The following BCL11A variants were observed in gnomAD, a reference collection of about 807,000 sequenced individuals.
The protein encoded by BCL11A is B cell CLL/lymphoma 11A.
A neutral mutation model predicts 55.9 loss-of-function variants in BCL11A; 2 were observed. The observed-to-expected ratio is 0.04, with a 90% confidence interval of 0.01 to 0.11. The LOEUF (loss-of-function observed/expected upper bound fraction) is 0.11, where lower values mean the gene tolerates loss of function less well. BCL11A is among the 10% of genes least tolerant of loss of function. The pLI is 1.00. For missense variants in BCL11A, 817 were observed against 1,137.1 expected, an observed-to-expected ratio of 0.72 and a Z score of 4.05; for synonymous variants, 465 against 473.4, an observed-to-expected ratio of 0.98 and a Z score of 0.23.
intron 3 of BCL11A, among the ~76,000 whole-genome samples, chr2:60,467,717 G>C (rs1676867298): frequency 2.0e-5 from 2 of 100,008 alleles, no homozygotes; most frequent in Non-Finnish European, 4.4e-5. Context: ...GGTGGTGATG[G>C]TACTGGTGGT....
intron 2 of BCL11A, among the ~76,000 whole-genome samples, chr2:60,496,310 A>G (rs932003805): frequency 5.3e-5 from 8 of 152,244 alleles, no homozygotes; most frequent in Admixed American, 3.3e-4. Flanking sequence ...GGAGTGGACC[A>G]TCCCAGTGGT....
intron 3 of BCL11A, among the ~76,000 whole-genome samples, chr2:60,465,534 C>A (rs773235035): frequency 1.2e-4 from 19 of 152,124 alleles, no homozygotes; most frequent in Non-Finnish European, 2.1e-4. Context: ...GAAGGAATGA[C>A]CCCCATTTCT....
chr2:60,494,575 G>A (rs1573005103), intron 2 of BCL11A, among the ~76,000 whole-genome samples: 1 of 152,106 alleles, frequency 6.6e-6, no homozygotes, highest in Non-Finnish European at 1.5e-5. Context: ...AATACAGACT[G>A]GTTCTGTGAT....
rs1272847786 is a variant in BCL11A at position 60,462,370 on chromosome 2, C to T, written c.542G>A (p.Ser181Asn). ...TCTTCKQPFT[S>N]AWFLLQHAQN... ...TGCGTGTTGCAAGAGAAACCATGCA[C>T]TGGTGAATGGCTGTTTGCAAGTTGT... The change falls in exon 4 of 4, where the codon AGT becomes AAT. Residue 181 changes from serine to asparagine, a missense_variant. Ser to Asn is a conservative substitution (Grantham distance 46). Around this residue, in one of 4 missense-constraint regions of BCL11A, gnomAD observed 363 missense variants for 486.6 expected, o/e 0.75. Coordinates refer to ENST00000642384, the MANE Select transcript of BCL11A (RefSeq NM_022893.4). 5 of 1,613,406 alleles carry T rather than the reference C, an allele frequency of 3.1e-6. No homozygotes were observed. Among genetic ancestry groups the T allele is most frequent in the Non-Finnish European group, 4.2e-6 (5 of 1,179,646 alleles).
At chr2:60,549,217 T>A (rs1325171402) in intron 1 of BCL11A, among the ~76,000 whole-genome samples, 1 of 152,190 alleles carries the variant, frequency 6.6e-6, no homozygotes, top group African/African-American at 2.4e-5. Flanking sequence ...AGTGACAGAC[T>A]GAGATCTCTT....
intron 1 of BCL11A, among the ~76,000 whole-genome samples, chr2:60,548,299 A>C (rs1253978838): frequency 6.6e-6 from 1 of 152,028 alleles, no homozygotes; most frequent in East Asian, 1.9e-4. Context: ...CTTTGCAAAA[A>C]AAAAAATTTT....
chr2:60,455,644 T>A (rs1264126122), downstream of BCL11A, among the ~76,000 whole-genome samples: 1 of 152,244 alleles, frequency 6.6e-6, no homozygotes, highest in Non-Finnish European at 1.5e-5. Context: ...GTATCCACCA[T>A]TAATTCTGTC....
chr2:60,553,151 TG>T, intron 1 of BCL11A, 64 bp downstream of exon 1: 1 of 1,518,972 alleles, frequency 6.6e-7, no homozygotes, highest in South Asian at 1.2e-5. Flanking sequence ...CCCTCGCTTT[TG>T]CTTCTAGTCC....
At chr2:60,523,974 C>T (rs1485696127) in intron 2 of BCL11A, among the ~76,000 whole-genome samples, 1 of 152,190 alleles carries the variant, frequency 6.6e-6, no homozygotes, top group Non-Finnish European at 1.5e-5. Flanking sequence ...AGATCTAAAA[C>T]TTTGAAGTCA....
intron 2 of BCL11A, among the ~76,000 whole-genome samples, chr2:60,520,488 C>A (rs1471751360): frequency 6.6e-6 from 1 of 152,142 alleles, no homozygotes; most frequent in Non-Finnish European, 1.5e-5. Context: ...AAGAGCATCA[C>A]CCTTCGGTGG....
intron 2 of BCL11A, among the ~76,000 whole-genome samples, chr2:60,509,842 T>A (rs904921591): frequency 9.2e-5 from 14 of 152,086 alleles, no homozygotes. Flanking sequence ...ACTGAAGTCC[T>A]GAAGTGGTGA....
rs1675987293 is a variant in BCL11A at position 60,457,362 on chromosome 2, T to G, written c.*3042A>C. The G allele has an allele frequency of 2.9e-5, 30 of 1,019,462 alleles. No homozygotes were observed. Among genetic ancestry groups the G allele is most frequent in the Non-Finnish European group, 3.5e-5 (30 of 848,448 alleles). 63.2% of individuals were successfully genotyped at this position (1,019,462 alleles called of 1,614,324 possible). A position where few individuals can be genotyped will look rare whatever the true frequency, so the allele number is the denominator to read the frequency against. On this transcript the variant is annotated 3_prime_UTR_variant, in exon 4 of 4. Transcript: ENST00000642384. ...CAGGTTGTAATGACCTTTGGTCATCTAAATAAAAAAAAAAATAAAAACAAA... is the reference window on the plus strand; with the variant it reads ...CAGGTTGTAATGACCTTTGGTCATCGAAATAAAAAAAAAAATAAAAACAAA...
chr2:60,547,070 T>G (rs1670188598), intron 1 of BCL11A, among the ~76,000 whole-genome samples: 1 of 152,232 alleles, frequency 6.6e-6, no homozygotes, highest in South Asian at 2.1e-4. Flanking sequence ...AATGGGATAC[T>G]TTTGAGTACT....
chr2:60,504,059 A>G (rs1180208993), intron 2 of BCL11A, among the ~76,000 whole-genome samples: 1 of 152,168 alleles, frequency 6.6e-6, no homozygotes, highest in Non-Finnish European at 1.5e-5. Flanking sequence ...CGAGCGGCAC[A>G]TTCTGAGAAC....
chr2:60,538,588 C>T (rs1021148149), intron 2 of BCL11A: 3 of 152,066 alleles, frequency 2.0e-5, no homozygotes, highest in Admixed American at 2.0e-4. Context: ...TCTTTAAAAC[C>T]TCAAGCAATG....
chr2:60,514,495 TAAA>T (rs58972358), intron 2 of BCL11A, among the ~76,000 whole-genome samples: 46,334 of 118,598 alleles, frequency 0.39, 8,764 homozygotes, highest in African/African-American at 0.45. Flanking sequence ...CATCTCTACT[TAAA>T]AAAAAAAAAA....
intron 2 of BCL11A, among the ~76,000 whole-genome samples, chr2:60,516,687 C>T (rs1299047022): frequency 6.6e-6 from 1 of 152,176 alleles, no homozygotes; most frequent in Non-Finnish European, 1.5e-5. Flanking sequence ...TTTAACTGCC[C>T]TCAAAGATGG....
At chr2:60,543,557 C>T (rs1028941824) in intron 2 of BCL11A, 2 of 152,138 alleles carry the variant, frequency 1.3e-5, no homozygotes, top group Admixed American at 6.5e-5. Context: ...GCCAGAGCGT[C>T]GGAATTTATG....
chr2:60,512,527 C>T (rs1680044701), intron 2 of BCL11A, among the ~76,000 whole-genome samples: 1 of 152,188 alleles, frequency 6.6e-6, no homozygotes, highest in Non-Finnish European at 1.5e-5. Context: ...CAACCCAGAA[C>T]CTATCACAAT....
Sources: allele counts gnomAD v4.1 joint callset (sites outside exome capture counted in the v4.1 genomes callset), GRCh38; gene constraint gnomAD v4.1.1; regional missense constraint gnomAD v4.1.1; transcripts MANE v1.5; gene names NCBI Gene and HGNC (gene_info 2026-07-23, HGNC 2026-07-21).